DDX46: variants seen among roughly 807,000 people sequenced by gnomAD.
DDX46 encodes probable ATP-dependent RNA helicase DDX46.
A neutral mutation model predicts 134.9 loss-of-function variants in DDX46; 30 were observed. That is an observed-to-expected ratio of 0.22 (90% CI 0.17 to 0.30). The LOEUF is 0.30. Among genes scored for constraint, DDX46 ranks in the 10% least tolerant of loss-of-function variants. The probability of loss-of-function intolerance (pLI) is 1.00; values close to 1 mark genes in which losing one functional copy is unlikely to be tolerated. For synonymous variants in DDX46, 415 were observed against 404.1 expected, an observed-to-expected ratio of 1.03 and a Z score of -0.32; for missense variants, 622 against 1,248.7, an observed-to-expected ratio of 0.50 and a Z score of 7.56.
chr5:134,815,943 A>G (rs1212453391), intron 18 of DDX46, among the ~76,000 whole-genome samples: 1 of 152,124 alleles, frequency 6.6e-6, no homozygotes, highest in Non-Finnish European at 1.5e-5. Context: ...GCTTTACCTT[A>G]GGAACATGTT....
intron 3 of DDX46, among the ~76,000 whole-genome samples, chr5:134,767,446 C>A (rs1339602437): frequency 6.6e-6 from 1 of 152,078 alleles, no homozygotes. Context: ...AAGCAATCCT[C>A]TCACCTAGGC....
At chr5:134,785,789 A>G (rs1257215336) in intron 11 of DDX46, among the ~76,000 whole-genome samples, 2 of 152,132 alleles carry the variant, frequency 1.3e-5, no homozygotes, top group African/African-American at 4.8e-5. Flanking sequence ...CAGCATGGTG[A>G]CTAGTTAATG....
At chr5:134,776,884 A>G (rs1397794223) in intron 5 of DDX46, among the ~76,000 whole-genome samples, 1 of 147,256 alleles carries the variant, frequency 6.8e-6, no homozygotes, top group African/African-American at 2.5e-5. Flanking sequence ...ACTGCACTCC[A>G]GCCTGGGCAA....
At chr5:134,800,099 C>T (rs186097825) in intron 15 of DDX46, among the ~76,000 whole-genome samples, 106 of 152,104 alleles carry the variant, frequency 7.0e-4, no homozygotes, top group African/African-American at 2.4e-3. Flanking sequence ...AGGCATGCAC[C>T]GCCATGCCCG....
chr5:134,774,407 C>T (rs1037601415), intron 5 of DDX46, among the ~76,000 whole-genome samples: 4 of 152,140 alleles, frequency 2.6e-5, no homozygotes, highest in Non-Finnish European at 4.4e-5. Flanking sequence ...GTGAGTAATG[C>T]TCCTGTGACC....
chr5:134,769,196 C>T (rs962724151), intron 3 of DDX46, among the ~76,000 whole-genome samples: 10 of 152,084 alleles, frequency 6.6e-5, no homozygotes, highest in Non-Finnish European at 1.3e-4. Context: ...CACATTTTAA[C>T]TATCCTACCT....
chr5:134,803,998 T>A (rs1402591133), intron 15 of DDX46, among the ~76,000 whole-genome samples: 1 of 148,718 alleles, frequency 6.7e-6, no homozygotes, highest in Non-Finnish European at 1.5e-5. Flanking sequence ...AGGGGTGTGA[T>A]CACAGCTTAC....
chr5:134,777,934 T>A lies in DDX46; in HGVS notation c.765+209T>A. The A allele has an allele frequency of 6.4e-6, 3 of 470,434 alleles. No homozygotes were observed. The South Asian group carries it at 1.3e-4, about 20-fold the overall frequency. The allele number at this position is 470,434 out of a possible 1,614,324, so 29.1% of individuals were successfully genotyped here. The stretch of plus-strand genomic sequence containing the variant: ...TTCAAAAGTCACTCTTTTAACACCA[T>A]CAACTTAGTTTGATATCTTTGCTTA... On this transcript the variant is annotated intron_variant, in intron 6 of 22. Transcript: ENST00000452510.
intron 1 of DDX46, among the ~76,000 whole-genome samples, chr5:134,759,666 A>G (rs1256258117): frequency 6.6e-6 from 1 of 152,196 alleles, no homozygotes; most frequent in Non-Finnish European, 1.5e-5. Context: ...CAATGACTGA[A>G]AGATATTTTA....
chr5:134,822,202 A>G (rs1416583386), intron 21 of DDX46, among the ~76,000 whole-genome samples: 1 of 152,038 alleles, frequency 6.6e-6, no homozygotes, highest in Non-Finnish European at 1.5e-5. Context: ...GCGGTTACTC[A>G]GTGGATTGCA....
At chr5:134,798,589 C>T (rs143498334) in intron 15 of DDX46, among the ~76,000 whole-genome samples, 4 of 152,268 alleles carry the variant, frequency 2.6e-5, no homozygotes, top group Non-Finnish European at 4.4e-5. Context: ...ATTTCTAGAA[C>T]GTTTTAATCA....
chr5:134,770,868 T>C (rs1753742452), intron 3 of DDX46, 35 bp from the exon 4 acceptor site: 2 of 1,535,600 alleles, frequency 1.3e-6, no homozygotes, highest in Non-Finnish European at 1.8e-6. Flanking sequence ...TACAAATGAA[T>C]GACATTTCTC....
rs148945544 is a variant in DDX46 at position 134,795,663 on chromosome 5, G to A, written c.1792-325G>A. ...GGAGGATCACTTGAGGCCAGGAGCTGGAGACTAGCTTGGGCAATATAGTGA... is the reference window on the plus strand; with the variant it reads ...GGAGGATCACTTGAGGCCAGGAGCTAGAGACTAGCTTGGGCAATATAGTGA... On this transcript the variant is annotated intron_variant, in intron 14 of 22. Transcript: ENST00000452510. Among the ~76,000 whole-genome samples the A allele has an allele frequency of 1.2e-3, 186 of 152,176 alleles. 1 individual carries two copies. Among genetic ancestry groups the A allele is most frequent in the African/African-American group, 3.5e-3 (144 of 41,514 alleles).
At chr5:134,802,159 C>CTTTTTT (rs542615882) in intron 15 of DDX46, among the ~76,000 whole-genome samples, 130 of 73,100 alleles carry the variant, frequency 1.8e-3, no homozygotes, top group Middle Eastern at 0.011. Flanking sequence ...TAATTTCTTT[C>CTTTTTT]TTTTTTTTTT....
At chr5:134,819,668 C>G (rs1290405138) in intron 21 of DDX46, among the ~76,000 whole-genome samples, 1 of 151,558 alleles carries the variant, frequency 6.6e-6, no homozygotes, top group African/African-American at 2.4e-5. Context: ...GTAGCTGGGA[C>G]TACAGGAACA....
intron 21 of DDX46, among the ~76,000 whole-genome samples, chr5:134,821,885 GGTTTTTTTTT>G (rs1289827078): frequency 1.3e-5 from 2 of 149,944 alleles, no homozygotes; most frequent in African/African-American, 4.9e-5. Flanking sequence ...TGTATTTTTA[GGTTTTTTTTT>G]GTTTTTTTTT....
At position 134,772,360 on chromosome 5, in the gene DDX46, A is replaced by G. The variant is rs371083923; in HGVS notation, c.448-1336A>G. ...ACCATGGTGAAACCCTGTCTCTACT[A>G]AAAATACAAAAATTAGCTGGGTGTG... On this transcript the variant is annotated intron_variant, in intron 4 of 22. Transcript: ENST00000452510. Among the ~76,000 whole-genome samples, 20 of 152,172 alleles carry G rather than the reference A, an allele frequency of 1.3e-4. No individual in the cohort carries two copies. In the East Asian group the frequency reaches 3.1e-3, roughly 24 times the overall value.
At chr5:134,787,310 A>T (rs73299313) in intron 11 of DDX46, among the ~76,000 whole-genome samples, 105 of 152,312 alleles carry the variant, frequency 6.9e-4, no homozygotes, top group African/African-American at 2.3e-3. Context: ...AGGTTCTGTG[A>T]TTGGATAAGT....
chr5:134,784,168 T>G (rs1351478240), intron 9 of DDX46, among the ~76,000 whole-genome samples, 198 bp from the exon 10 acceptor site: 1 of 152,242 alleles, frequency 6.6e-6, no homozygotes, highest in Non-Finnish European at 1.5e-5. Context: ...CTGATCTTTT[T>G]CACTTTACAT....
Sources: allele counts gnomAD v4.1 joint callset (sites outside exome capture counted in the v4.1 genomes callset), GRCh38; gene constraint gnomAD v4.1.1; transcripts MANE v1.5; gene names NCBI Gene and HGNC (gene_info 2026-07-23, HGNC 2026-07-21).